MSH3: variants seen among roughly 807,000 people sequenced by gnomAD.
The protein encoded by MSH3 is DNA mismatch repair protein Msh3.
A neutral mutation model predicts 123.3 loss-of-function variants in MSH3; 106 were observed. The observed-to-expected ratio is 0.86, with a 90% confidence interval of 0.73 to 1.01. MSH3 has a LOEUF of 1.01. Ranked by LOEUF, MSH3 falls within the 50% of genes least tolerant of loss-of-function variation. The pLI, the probability that MSH3 is intolerant of heterozygous loss-of-function variation, is 0.00. For synonymous variants in MSH3, 515 were observed against 481.4 expected (o/e 1.07, Z -0.91); for missense variants, 1,459 against 1,347.6 (o/e 1.08, Z -1.29).
At chr5:80,742,775 T>C (rs1266573991) in intron 11 of MSH3, among the ~76,000 whole-genome samples, 1 of 152,172 alleles carries the variant, frequency 6.6e-6, no homozygotes, top group Non-Finnish European at 1.5e-5. Context: ...ATCTCCATGA[T>C]AGGAAATAAG....
intron 21 of MSH3, among the ~76,000 whole-genome samples, chr5:80,862,903 T>C (rs985041277): frequency 7.2e-5 from 11 of 152,182 alleles, no homozygotes; most frequent in African/African-American, 2.7e-4. Context: ...CAACATTTAA[T>C]AACGACTATA....
At chr5:80,746,893 A>G (rs758775677) in intron 12 of MSH3, 4 of 181,946 alleles carry the variant, frequency 2.2e-5, no homozygotes, top group Non-Finnish European at 4.7e-5. Context: ...AGAGGAAGGC[A>G]GAGGACAAGG....
intron 20 of MSH3, among the ~76,000 whole-genome samples, chr5:80,827,280 A>T (rs1745336621): frequency 6.6e-6 from 1 of 152,228 alleles, no homozygotes; most frequent in South Asian, 2.1e-4. Flanking sequence ...GCCCATAGCT[A>T]ACAATTTTCA....
intron 8 of MSH3, among the ~76,000 whole-genome samples, chr5:80,691,929 A>C (rs1242891287): frequency 1.6e-5 from 2 of 125,602 alleles, no homozygotes; most frequent in Non-Finnish European, 3.2e-5. Flanking sequence ...GTTTATATAG[A>C]TAAACATGTA....
chr5:80,736,094 C>T (rs573834407), intron 10 of MSH3, among the ~76,000 whole-genome samples: 7 of 151,968 alleles, frequency 4.6e-5, no homozygotes, highest in East Asian at 1.9e-4. Flanking sequence ...GGCATGATGG[C>T]GGGTGCCTGT....
intron 17 of MSH3, among the ~76,000 whole-genome samples, chr5:80,779,335 CTA>C (rs1238578150): frequency 2.6e-5 from 4 of 152,070 alleles, no homozygotes; most frequent in Non-Finnish European, 5.9e-5. Flanking sequence ...AGATGACCCT[CTA>C]TACACCCTTC....
chr5:80,835,876 C>T (rs945125464), intron 20 of MSH3, among the ~76,000 whole-genome samples: 10 of 151,908 alleles, frequency 6.6e-5, no homozygotes, highest in African/African-American at 1.9e-4. Context: ...GATTGCACCA[C>T]CGTACTCCAG....
chr5:80,749,496 C>G (rs976650954), intron 12 of MSH3, among the ~76,000 whole-genome samples: 3 of 152,194 alleles, frequency 2.0e-5, no homozygotes, highest in Admixed American at 2.0e-4. Flanking sequence ...GTCTGCCTCT[C>G]CTAGCCCACT....
chr5:80,697,887 T>C (rs906528775), intron 8 of MSH3, among the ~76,000 whole-genome samples: 5 of 151,798 alleles, frequency 3.3e-5, no homozygotes, highest in African/African-American at 1.2e-4. Context: ...TTCTAATTGA[T>C]TTTTTTATAT....
At chr5:80,811,963 T>C (rs1422686888) in intron 19 of MSH3, among the ~76,000 whole-genome samples, 2 of 152,208 alleles carry the variant, frequency 1.3e-5, no homozygotes, top group Non-Finnish European at 2.9e-5. Context: ...TAAAATTCAT[T>C]TTATTTTTAT....
intron 10 of MSH3, among the ~76,000 whole-genome samples, chr5:80,736,181 G>A (rs756745749): frequency 1.4e-4 from 21 of 152,052 alleles, no homozygotes; most frequent in African/African-American, 5.1e-4. Flanking sequence ...AGCCGAGATC[G>A]CGCCATTGCA....
At chr5:80,846,318 G>T (rs889418471) in intron 20 of MSH3, among the ~76,000 whole-genome samples, 1 of 151,520 alleles carries the variant, frequency 6.6e-6, no homozygotes, top group African/African-American at 2.4e-5. Flanking sequence ...GTGTCTGTCG[G>T]TCCCTACTGG....
chr5:80,777,058 A>C (rs1036853009), intron 16 of MSH3, among the ~76,000 whole-genome samples: 1 of 151,596 alleles, frequency 6.6e-6, no homozygotes, highest in Non-Finnish European at 1.5e-5. Context: ...CAGCCTCCCA[A>C]GTAGCTGGGA....
chr5:80,754,231 C>T (rs1743884517), intron 12 of MSH3, among the ~76,000 whole-genome samples: 2 of 151,980 alleles, frequency 1.3e-5, no homozygotes, highest in African/African-American at 2.4e-5. Flanking sequence ...ATGGTTATTA[C>T]TTTATCATGT....
At chr5:80,859,228 C>A (rs1382125683) in intron 21 of MSH3, among the ~76,000 whole-genome samples, 1 of 152,102 alleles carries the variant, frequency 6.6e-6, no homozygotes, top group East Asian at 1.9e-4. Context: ...TCAAGTGATT[C>A]TTGTGCCTCA....
intron 20 of MSH3, among the ~76,000 whole-genome samples, chr5:80,826,150 A>G (rs1745295237): frequency 6.6e-6 from 1 of 152,220 alleles, no homozygotes; most frequent in Non-Finnish European, 1.5e-5. Context: ...CTACTTACTA[A>G]GCCCTTTCAC....
At chr5:80,811,571 G>A (rs1295936626) in intron 19 of MSH3, among the ~76,000 whole-genome samples, 1 of 151,950 alleles carries the variant, frequency 6.6e-6, no homozygotes, top group Non-Finnish European at 1.5e-5. Flanking sequence ...GAAATTATTT[G>A]GGAAAAATTC....
At chr5:80,858,245 C>T (rs1232827636) in intron 21 of MSH3, among the ~76,000 whole-genome samples, 2 of 152,002 alleles carry the variant, frequency 1.3e-5, no homozygotes, top group African/African-American at 4.8e-5. Context: ...ATTGGGGTCT[C>T]ACTATGTTGC....
chr5:80,805,110 G>A lies in MSH3; in HGVS notation c.2656-8474G>A, dbSNP rs148803275. Among the ~76,000 whole-genome samples, 20 of 152,320 alleles carry A rather than the reference G, an allele frequency of 1.3e-4. 1 individual carries two copies. In the East Asian group the frequency reaches 3.9e-3, roughly 29 times the overall value. The stretch of plus-strand genomic sequence containing the variant: ...AAAGTGAAGTTTTTATTTGAAGTTT[G>A]TTCTAGTGTAACAACTTTCATCACA... On this transcript the variant is annotated intron_variant, in intron 19 of 23. Coordinates refer to ENST00000265081, the MANE Select transcript of MSH3 (RefSeq NM_002439.5).
Sources: allele counts gnomAD v4.1 joint callset (sites outside exome capture counted in the v4.1 genomes callset), GRCh38; gene constraint gnomAD v4.1.1; transcripts MANE v1.5; gene names NCBI Gene and HGNC (gene_info 2026-07-23, HGNC 2026-07-21).